Variants in NIN observed in about 807,000 individuals in gnomAD.
The protein encoded by NIN is ninein, also known as glycogen synthase kinase 3 beta-interacting protein.
Under a neutral mutation model 257.6 loss-of-function variants are expected in NIN, and 137 were observed. The observed-to-expected ratio is 0.53, with a 90% confidence interval of 0.46 to 0.61. The LOEUF is 0.61. Among genes scored for constraint, NIN ranks in the 20% least tolerant of loss-of-function variants. The probability of loss-of-function intolerance (pLI) is 0.00; values close to 1 mark genes in which losing one functional copy is unlikely to be tolerated. For missense variants in NIN, 2,439 were observed against 2,501.2 expected, an observed-to-expected ratio of 0.98 and a Z score of 0.53; for synonymous variants, 918 against 919.8, an observed-to-expected ratio of 1.00 and a Z score of 0.04.
intron 5 of NIN, among the ~76,000 whole-genome samples, chr14:50,786,619 A>C (rs1405550028): frequency 1.3e-5 from 2 of 152,152 alleles, no homozygotes; most frequent in Admixed American, 6.5e-5. Context: ...ATGAAGGAAA[A>C]GAATGGAATT....
intron 5 of NIN, among the ~76,000 whole-genome samples, chr14:50,780,270 G>A (rs746334082): frequency 2.0e-5 from 3 of 152,148 alleles, no homozygotes; most frequent in Non-Finnish European, 4.4e-5. Context: ...TTCCAAACGG[G>A]GCTGCTGTCA....
intron 5 of NIN, among the ~76,000 whole-genome samples, chr14:50,785,275 C>G (rs2043296827): frequency 6.6e-6 from 1 of 152,272 alleles, no homozygotes; most frequent in African/African-American, 2.4e-5. Context: ...GCATCTGCAG[C>G]CTGTGGTCCT....
rs778383164 is a variant in NIN at position 50,744,300 on chromosome 14, T to C, written c.5130A>G (p.Glu1710=). 4 of 1,614,168 alleles carry C rather than the reference T, an allele frequency of 2.5e-6. No homozygotes were observed. The South Asian group carries it at 4.4e-5, about 18-fold the overall frequency. ...QKISSVLSYN[E]KLLKEKEALS... ...GAGCTTCCTTTTCTTTCAGCAGTTT[T>C]TCGTTGTAGCTTAGAACACTAGAGA... Residue 1710 remains glutamate, a synonymous_variant, in exon 23 of 31, where the codon GAA becomes GAG. Coordinates refer to ENST00000530997, the MANE Select transcript of NIN (RefSeq NM_020921.4).
chr14:50,721,105 C>A lies in NIN; in HGVS notation c.*2358G>T, dbSNP rs1312860208. ...AATTATAAATTGCCACTCACCTTCT[C>A]AAAAATTGTTGCACAAATGCATACA... On this transcript the variant is annotated 3_prime_UTR_variant, in exon 31 of 31. Transcript: ENST00000530997. The A allele has an allele frequency of 1.0e-5, 2 of 197,012 alleles. No homozygotes were observed. Among genetic ancestry groups the A allele is most frequent in the Non-Finnish European group, 2.1e-5 (2 of 95,020 alleles). The allele number at this position is 197,012 out of a possible 1,614,324, so 12.2% of individuals were successfully genotyped here. A position where few individuals can be genotyped will look rare whatever the true frequency, so the allele number is the denominator to read the frequency against.
intron 22 of NIN, among the ~76,000 whole-genome samples, chr14:50,747,514 G>A (rs1342436858): frequency 6.6e-6 from 1 of 152,088 alleles, no homozygotes; most frequent in African/African-American, 2.4e-5. Context: ...TGGGTGGATT[G>A]CTTGAACCCA....
chr14:50,766,683 G>A (rs763912119), intron 13 of NIN, 97 bp downstream of exon 13: 1 of 810,984 alleles, frequency 1.2e-6, no homozygotes, highest in Non-Finnish European at 2.1e-6. Flanking sequence ...CCCAGTAATT[G>A]CCTAATAAAA....
intron 21 of NIN, among the ~76,000 whole-genome samples, chr14:50,751,024 C>T (rs2181085): frequency 0.51 from 77,344 of 151,934 alleles, 20,088 homozygotes; most frequent in African/African-American, 0.59. Flanking sequence ...ATAGATACTT[C>T]TTTGCACTTT....
In NIN at chr14:50,757,553, C is replaced by A. The variant is rs2042086193; in HGVS notation, c.3477G>T (p.Gly1159=). The A allele has an allele frequency of 6.2e-7, 1 of 1,613,998 alleles. No homozygotes were observed. Among genetic ancestry groups the A allele is most frequent in the Non-Finnish European group, 8.5e-7 (1 of 1,180,036 alleles). The change falls in exon 18 of 31, where the codon GGG becomes GGT. Residue 1159 remains glycine (G), a synonymous_variant. Transcript: ENST00000530997. The part of the protein sequence containing the change: ...DDEVRDLGST[G]TSSVQRQEVK... ...CTTCCTGTCTCTGAACAGAGCTCGT[C>A]CCTGTACTTCCCAGGTCCCGGACCT...
intron 3 of NIN, among the ~76,000 whole-genome samples, chr14:50,807,798 T>C (rs1253319506): frequency 6.6e-6 from 1 of 152,214 alleles, no homozygotes; most frequent in African/African-American, 2.4e-5. Flanking sequence ...TCATGTCTTA[T>C]CTATGCAAAT....
At chr14:50,741,891 G>T in intron 24 of NIN, 163 bp from the exon 25 acceptor site, 1 of 621,684 alleles carries the variant, frequency 1.6e-6, no homozygotes, top group Non-Finnish European at 2.7e-6. Context: ...AGGACAGTAG[G>T]TATATTTACA....
At chr14:50,734,955 G>C (rs1381611457) in intron 28 of NIN, among the ~76,000 whole-genome samples, 1 of 151,842 alleles carries the variant, frequency 6.6e-6, no homozygotes, top group Non-Finnish European at 1.5e-5. Context: ...CAAAATGCTG[G>C]GATTACAGGT....
intron 3 of NIN, among the ~76,000 whole-genome samples, chr14:50,821,634 T>C (rs572656291): frequency 6.6e-6 from 1 of 152,344 alleles, no homozygotes; most frequent in East Asian, 1.9e-4. Context: ...AAACATCCTT[T>C]CATTGCCTCT....
At chr14:50,729,158 G>A (rs908261896) in intron 29 of NIN, among the ~76,000 whole-genome samples, 19 of 152,246 alleles carry the variant, frequency 1.2e-4, no homozygotes, top group Middle Eastern at 3.4e-3. Flanking sequence ...AAATGACTCA[G>A]CTTAGAAGCT....
intron 28 of NIN, among the ~76,000 whole-genome samples, chr14:50,733,893 C>T (rs572185956): frequency 2.0e-5 from 3 of 152,112 alleles, no homozygotes; most frequent in South Asian, 2.1e-4. Context: ...CATGAATTTC[C>T]CCTTTAGTTG....
At chr14:50,792,655 A>T in intron 5 of NIN, 57 bp downstream of exon 5, 2 of 1,596,430 alleles carry the variant, frequency 1.3e-6, no homozygotes, top group South Asian at 1.1e-5. Flanking sequence ...TCTGTGCTGC[A>T]CTGACGTGGG....
intron 28 of NIN, among the ~76,000 whole-genome samples, chr14:50,731,586 A>C (rs1417057060): frequency 6.6e-6 from 1 of 151,664 alleles, no homozygotes; most frequent in Non-Finnish European, 1.5e-5. Flanking sequence ...CTGTAATCCC[A>C]GCACTCTGGG....
At chr14:50,787,098 C>A (rs1221368116) in intron 5 of NIN, among the ~76,000 whole-genome samples, 1 of 152,220 alleles carries the variant, frequency 6.6e-6, no homozygotes, top group African/African-American at 2.4e-5. Context: ...TTAAACCACA[C>A]TGTGCAAGCC....
intron 21 of NIN, among the ~76,000 whole-genome samples, chr14:50,750,516 A>G (rs1476576513): frequency 2.0e-5 from 3 of 152,208 alleles, no homozygotes; most frequent in Admixed American, 6.5e-5. Flanking sequence ...TTACTAACCC[A>G]TACCTCTTAT....
intron 2 of NIN, among the ~76,000 whole-genome samples, chr14:50,823,977 A>G (rs896261487): frequency 6.6e-6 from 1 of 152,188 alleles, no homozygotes; most frequent in Non-Finnish European, 1.5e-5. Flanking sequence ...CCACCAGTTA[A>G]TTGTCAACTA....
Sources: allele counts gnomAD v4.1 joint callset (sites outside exome capture counted in the v4.1 genomes callset), GRCh38; gene constraint gnomAD v4.1.1; transcripts MANE v1.5; gene names NCBI Gene and HGNC (gene_info 2026-07-23, HGNC 2026-07-21).